NAALADL2: variants seen among roughly 807,000 people sequenced by gnomAD.
NAALADL2 encodes the protein N-acetylated alpha-linked acidic dipeptidase like 2.
A neutral mutation model predicts 87.2 loss-of-function variants in NAALADL2; 76 were observed. The observed-to-expected ratio is 0.87, with a 90% CI of 0.72 to 1.05. NAALADL2 has a LOEUF of 1.05. NAALADL2 is among the 50% of genes least tolerant of loss of function. The probability of loss-of-function intolerance (pLI) is 0.00; values close to 1 mark genes in which losing one functional copy is unlikely to be tolerated. For missense variants in NAALADL2, 1,089 were observed against 945.8 expected (o/e 1.15, Z -1.99); for synonymous variants, 354 against 331.0 (o/e 1.07, Z -0.75).
At position 175,079,718 on chromosome 3, in the gene NAALADL2, A is replaced by G. The variant is rs143927356; in HGVS notation, c.44-17072A>G. On this transcript the variant is annotated intron_variant, in intron 1 of 13. Transcript: ENST00000454872. ...ATGTGCATATCTTCTGGATCAAAAT[A>G]AAAGGAATATGCAAGCTTCTTTTTT... Among the ~76,000 whole-genome samples the G allele has an allele frequency of 3.6e-3, 551 of 152,308 alleles. 5 individuals are homozygous for G. Among genetic ancestry groups the G allele is most frequent in the African/African-American group, 0.013 (532 of 41,568 alleles).
chr3:175,194,152 T>C (rs1006005907), intron 2 of NAALADL2, among the ~76,000 whole-genome samples: 1 of 151,876 alleles, frequency 6.6e-6, no homozygotes, highest in Non-Finnish European at 1.5e-5. Flanking sequence ...TGTTATTATA[T>C]ATGTATATAT....
intron 13 of NAALADL2, among the ~76,000 whole-genome samples, chr3:175,756,898 TTAATA>T (rs768135305): frequency 5.3e-5 from 8 of 151,726 alleles, no homozygotes; most frequent in Non-Finnish European, 1.0e-4. Context: ...ACTTTTCTGT[TTAATA>T]TATACATATA....
intron 5 of NAALADL2, among the ~76,000 whole-genome samples, chr3:175,424,104 G>A (rs1350916098): frequency 6.6e-6 from 1 of 152,150 alleles, no homozygotes; most frequent in Non-Finnish European, 1.5e-5. Context: ...CCCACTTGTT[G>A]ATGGGGTTGT....
intron 3 of NAALADL2, among the ~76,000 whole-genome samples, chr3:174,788,082 C>G (rs1273251182): frequency 6.6e-6 from 1 of 152,006 alleles, no homozygotes; most frequent in Non-Finnish European, 1.5e-5. Context: ...AGAGAAGACT[C>G]AAAAAGAGAT....
intron 3 of NAALADL2, among the ~76,000 whole-genome samples, chr3:174,843,324 A>C (rs541744330): frequency 6.6e-6 from 1 of 150,416 alleles, no homozygotes; most frequent in Non-Finnish European, 1.5e-5. Context: ...TTTTTTTTTT[A>C]GATTCCACAT....
chr3:174,542,339 T>C (rs1210126743), intron 1 of NAALADL2, among the ~76,000 whole-genome samples: 1 of 152,198 alleles, frequency 6.6e-6, no homozygotes, highest in African/African-American at 2.4e-5. Flanking sequence ...CTTCTGTTAC[T>C]GTTTCCTGCT....
At chr3:175,589,979 G>A (rs1011741291) in intron 10 of NAALADL2, among the ~76,000 whole-genome samples, 2 of 151,970 alleles carry the variant, frequency 1.3e-5, no homozygotes, top group African/African-American at 4.8e-5. Flanking sequence ...TTGGGAGGCC[G>A]AGGCAGGCGG....
At chr3:175,764,541 CA>C (rs1238681813) in intron 13 of NAALADL2, among the ~76,000 whole-genome samples, 1 of 88,076 alleles carries the variant, frequency 1.1e-5, no homozygotes, top group Non-Finnish European at 2.1e-5. Context: ...AAGCCAAGAC[CA>C]TTTTTTTTTT....
In NAALADL2 at chr3:174,667,840, TAAC is replaced by T. The variant is rs1330726327; in HGVS notation, c.-114-69798_-114-69796del. ...AGGAATTGGAAAAAAGAAGAGAAAATAACAATGTTTTCTTTTTTAAAAAATAGT... is the reference window on the plus strand; with the variant it reads ...AGGAATTGGAAAAAAGAAGAGAAAATAATGTTTTCTTTTTTAAAAAATAGT... On this transcript the variant is annotated intron_variant, in intron 2 of 3. Coordinates refer to the NAALADL2 transcript ENST00000434257. 4.6e-5 allele frequency among the ~76,000 whole-genome samples: 7 copies of T among 152,184 alleles called. No homozygotes were observed. The East Asian group carries it at 1.4e-3, about 29-fold the overall frequency.
chr3:175,055,918 C>T (rs1280629983), intron 1 of NAALADL2, among the ~76,000 whole-genome samples: 2 of 152,174 alleles, frequency 1.3e-5, no homozygotes, highest in Admixed American at 6.5e-5. Context: ...ACTAAATGTG[C>T]TTTCCTGAAT....
intron 5 of NAALADL2, among the ~76,000 whole-genome samples, chr3:175,415,865 G>A (rs1016920150): frequency 2.7e-5 from 4 of 150,448 alleles, no homozygotes; most frequent in Middle Eastern, 3.4e-3. Context: ...TGTAATTCCA[G>A]CAATTTGGGA....
intron 3 of NAALADL2, chr3:175,234,727 GT>G (rs10646382): frequency 4.7e-5 from 7 of 149,724 alleles, no homozygotes; most frequent in Admixed American, 2.0e-4. Context: ...TTATGATGCA[GT>G]TTTTTTTTTT....
At chr3:175,154,398 A>AT (rs1297736890) in intron 2 of NAALADL2, among the ~76,000 whole-genome samples, 6 of 152,200 alleles carry the variant, frequency 3.9e-5, no homozygotes, top group African/African-American at 1.4e-4. Context: ...AAGAGCATAG[A>AT]TTTTAAAGAA....
intron 4 of NAALADL2, among the ~76,000 whole-genome samples, chr3:175,287,578 C>G (rs1356780878): frequency 6.6e-6 from 1 of 152,186 alleles, no homozygotes; most frequent in Non-Finnish European, 1.5e-5. Context: ...AGTTTGAATT[C>G]AAGCCCATGC....
intron 2 of NAALADL2, among the ~76,000 whole-genome samples, chr3:174,695,073 A>T (rs1179604161): frequency 6.6e-6 from 1 of 152,012 alleles, no homozygotes; most frequent in Admixed American, 6.6e-5. Flanking sequence ...ACAGAAAGGG[A>T]TTTTATTGTC....
intron 4 of NAALADL2, among the ~76,000 whole-genome samples, chr3:175,277,586 T>G (rs1328707745): frequency 6.6e-6 from 1 of 152,120 alleles, no homozygotes; most frequent in Non-Finnish European, 1.5e-5. Flanking sequence ...AACAACCAAA[T>G]TTATCTTTTC....
intron 2 of NAALADL2, among the ~76,000 whole-genome samples, chr3:175,172,527 T>C (rs1361048208): frequency 2.0e-5 from 3 of 146,824 alleles, no homozygotes; most frequent in African/African-American, 8.2e-5. Context: ...TATCTGAATA[T>C]AATATGTCAC....
At chr3:174,576,491 T>C (rs956695476) in intron 2 of NAALADL2, among the ~76,000 whole-genome samples, 1 of 152,222 alleles carries the variant, frequency 6.6e-6, no homozygotes, top group African/African-American at 2.4e-5. Context: ...ATGGAAGTAA[T>C]ATCTAATATT....
intron 1 of NAALADL2, among the ~76,000 whole-genome samples, chr3:174,977,429 T>A (rs1203378095): frequency 6.6e-6 from 1 of 152,190 alleles, no homozygotes; most frequent in Non-Finnish European, 1.5e-5. Context: ...CCGACCTAGA[T>A]GTGTAACCTT....
Sources: allele counts gnomAD v4.1 joint callset (sites outside exome capture counted in the v4.1 genomes callset), GRCh38; gene constraint gnomAD v4.1.1; transcripts MANE v1.5; gene names NCBI Gene and HGNC (gene_info 2026-07-23, HGNC 2026-07-21).